EXOC2: variants seen among roughly 807,000 people sequenced by gnomAD.
EXOC2 encodes exocyst complex component 2, also known as SEC5-like 1.
EXOC2 carries 70 observed loss-of-function variants against 131.8 expected under a neutral mutation model. The ratio of observed to expected loss-of-function variants is 0.53; its 90% CI spans 0.44 to 0.65. The LOEUF (loss-of-function observed/expected upper bound fraction) is 0.65, where lower values mean the gene tolerates loss of function less well. Ranked by LOEUF, EXOC2 falls within the 30% of genes least tolerant of loss-of-function variation. EXOC2 has a pLI of 0.00. For synonymous variants in EXOC2, 411 were observed against 398.4 expected (o/e 1.03, Z -0.38); for missense variants, 923 against 1,108.6 (o/e 0.83, Z 2.38).
chr6:530,632 A>G (rs1407044092), intron 23 of EXOC2, among the ~76,000 whole-genome samples: 4 of 152,180 alleles, frequency 2.6e-5, no homozygotes, highest in Non-Finnish European at 5.9e-5. Context: ...GACTAGGCAC[A>G]GGGTTCACAG....
chr6:487,087 C>T (rs949324661), intron 27 of EXOC2, among the ~76,000 whole-genome samples: 1 of 152,044 alleles, frequency 6.6e-6, no homozygotes, highest in Non-Finnish European at 1.5e-5. Context: ...ATTTACACAC[C>T]TTCAAATTCA....
intron 22 of EXOC2, 63 bp downstream of exon 22, chr6:549,112 A>C: frequency 7.3e-7 from 1 of 1,372,872 alleles, no homozygotes; most frequent in Non-Finnish European, 1.0e-6. Flanking sequence ...ACAGGCTAGG[A>C]AACAGCTTGA....
At chr6:496,879 G>GCTTC (rs1006467968) in intron 25 of EXOC2, among the ~76,000 whole-genome samples, 14 of 152,176 alleles carry the variant, frequency 9.2e-5, no homozygotes, top group Admixed American at 8.5e-4. Context: ...AGAAGTGCAC[G>GCTTC]CTTCCATCTG....
At chr6:637,318 A>G (rs1414950022) in intron 2 of EXOC2, among the ~76,000 whole-genome samples, 1 of 152,158 alleles carries the variant, frequency 6.6e-6, no homozygotes, top group Non-Finnish European at 1.5e-5. Context: ...AGCAATAAGG[A>G]ACAGAAAAGG....
chr6:605,244 C>T (rs1760337834), intron 7 of EXOC2, among the ~76,000 whole-genome samples: 1 of 152,226 alleles, frequency 6.6e-6, no homozygotes, highest in Admixed American at 6.5e-5. Context: ...AGCTAAAATC[C>T]AGCAAGACCA....
chr6:562,715 A>G lies in EXOC2; in HGVS notation c.1851+69T>C, dbSNP rs570729979. ...GCAACACATGGAGCACATGCTCCCT[A>G]TTAATATGATAAACTATTTATTTTA... On this transcript the variant is annotated intron_variant, in intron 17 of 27. Transcript: ENST00000230449. The G allele has an allele frequency of 4.9e-5, 54 of 1,099,780 alleles. No homozygotes were observed. In the African/African-American group the frequency reaches 7.9e-4, roughly 16 times the overall value. 68.1% of individuals were successfully genotyped at this position (1,099,780 alleles called of 1,614,324 possible).
intron 6 of EXOC2, among the ~76,000 whole-genome samples, chr6:616,352 C>A (rs550414716): frequency 1.7e-3 from 259 of 152,278 alleles, no homozygotes; most frequent in Non-Finnish European, 2.9e-3. Context: ...GCCTGTAATC[C>A]CAGCACTTTG....
intron 1 of EXOC2, among the ~76,000 whole-genome samples, chr6:654,803 CAAAAAAAAAAAAAAAA>C (rs66637987): frequency 0.018 from 533 of 29,586 alleles, 16 homozygotes; most frequent in African/African-American, 0.046. Flanking sequence ...GACCCTGTCT[CAAAAAAAAAAAAAAAA>C]AAAAAAAAAA....
chr6:620,394 G>A (rs1761225405), intron 4 of EXOC2, among the ~76,000 whole-genome samples: 2 of 152,226 alleles, frequency 1.3e-5, no homozygotes, highest in Non-Finnish European at 1.5e-5. Flanking sequence ...AGCCTCAAAG[G>A]GACTATACTG....
intron 1 of EXOC2, among the ~76,000 whole-genome samples, chr6:680,016 G>A (rs899173823): frequency 2.5e-5 from 3 of 118,672 alleles, no homozygotes; most frequent in Non-Finnish European, 5.5e-5. Context: ...GCTATACTCC[G>A]GATGACTATT....
chr6:554,655 A>T (rs1009898120), intron 20 of EXOC2, among the ~76,000 whole-genome samples: 3 of 152,226 alleles, frequency 2.0e-5, no homozygotes, highest in Admixed American at 6.5e-5. Context: ...TTATTTCAGT[A>T]TTATCTGTGT....
intron 1 of EXOC2, among the ~76,000 whole-genome samples, chr6:691,959 C>T (rs1423432959): frequency 1.3e-5 from 2 of 152,182 alleles, no homozygotes; most frequent in African/African-American, 4.8e-5. Flanking sequence ...ACAAAAAAAT[C>T]ATCTTTGAGA....
rs76710437 is a variant in EXOC2 at position 493,641 on chromosome 6, G to T, written c.2560-2455C>A. On this transcript the variant is annotated intron_variant, in intron 25 of 27. Transcript: ENST00000230449. The stretch of plus-strand genomic sequence containing the variant: ...TTCACCAAGCTCTCAGGACAGTTCT[G>T]GAGTTTGGCACCTAATTGCCTATCA... Among the ~76,000 whole-genome samples, 180 of 152,272 alleles carry T rather than the reference G, an allele frequency of 1.2e-3. 1 individual carries two copies. The highest frequency in any genetic ancestry group is 4.2e-3 in the African/African-American group (173 of 41,558).
rs1762981498 is a variant in EXOC2 at position 485,157 on chromosome 6, A to C, written c.*1514T>G. On this transcript the variant is annotated 3_prime_UTR_variant, in exon 28 of 28. Coordinates refer to ENST00000230449, the MANE Select transcript of EXOC2 (RefSeq NM_018303.6). Reference sequence around the variant, plus strand: ...GTCAAGTAAATTACAACTTACATTAAAGGCAGATTCTTTATTGGCTGAATG... The same window carrying C: ...GTCAAGTAAATTACAACTTACATTACAGGCAGATTCTTTATTGGCTGAATG... 2.0e-5 allele frequency: 3 copies of C among 152,262 alleles called. No homozygotes were observed. The allele number at this position is 152,262 out of a possible 1,614,324, so 9.4% of individuals were successfully genotyped here. A position where few individuals can be genotyped will look rare whatever the true frequency, so the allele number is the denominator to read the frequency against.
chr6:529,271 C>A (rs1477858104), intron 23 of EXOC2, among the ~76,000 whole-genome samples: 1 of 152,226 alleles, frequency 6.6e-6, no homozygotes, highest in Non-Finnish European at 1.5e-5. Flanking sequence ...CCGAAGACAC[C>A]TTGGAGCGGG....
At chr6:687,622 G>A (rs567546155) in intron 1 of EXOC2, among the ~76,000 whole-genome samples, 1 of 152,254 alleles carries the variant, frequency 6.6e-6, no homozygotes, top group South Asian at 2.1e-4. Context: ...GCTGTGAAAA[G>A]GAAACATCCT....
chr6:579,626 A>G (rs1023914236), intron 11 of EXOC2, among the ~76,000 whole-genome samples: 5 of 152,144 alleles, frequency 3.3e-5, no homozygotes, highest in East Asian at 1.9e-4. Context: ...TCTCCCTAAC[A>G]CTCGTACTTT....
intron 4 of EXOC2, among the ~76,000 whole-genome samples, chr6:619,755 T>C (rs1443535177): frequency 6.6e-6 from 1 of 152,216 alleles, no homozygotes; most frequent in African/African-American, 2.4e-5. Flanking sequence ...TTTGATTTTA[T>C]ATAGAAAAGA....
intron 11 of EXOC2, among the ~76,000 whole-genome samples, chr6:583,469 G>A (rs1759025464): frequency 6.6e-6 from 1 of 152,004 alleles, no homozygotes; most frequent in South Asian, 2.1e-4. Context: ...AAGGTGAATA[G>A]AATCTATTAC....
Sources: gnomAD v4.1 joint callset for allele counts (sites outside exome capture counted in the v4.1 genomes callset) on GRCh38, gnomAD v4.1.1 for gene constraint, MANE v1.5 for transcripts, NCBI Gene and HGNC (gene_info 2026-07-23, HGNC 2026-07-21) for gene names.